Variants in POR observed in about 807,000 individuals in gnomAD.
POR encodes cytochrome p450 oxidoreductase.
A neutral mutation model predicts 84.0 loss-of-function variants in POR; 56 were observed. That is an observed-to-expected ratio of 0.67 (90% CI 0.54 to 0.83). The LOEUF (loss-of-function observed/expected upper bound fraction) is 0.83, where lower values mean the gene tolerates loss of function less well. POR is among the 40% of genes least tolerant of loss of function. The pLI, the probability that POR is intolerant of heterozygous loss-of-function variation, is 0.00. For missense variants in POR, 938 were observed against 944.3 expected, an observed-to-expected ratio of 0.99 and a Z score of 0.09; for synonymous variants, 414 against 400.5, an observed-to-expected ratio of 1.03 and a Z score of -0.40.
chr7:75,929,425 C>T lies in POR; in HGVS notation c.-5+14246C>T, dbSNP rs566658938. Among the ~76,000 whole-genome samples, 10 of 152,228 alleles carry T rather than the reference C, an allele frequency of 6.6e-5. No homozygotes were observed. In the South Asian group the frequency reaches 1.9e-3, roughly 28 times the overall value. ...ATTACAGAGCATGCACCACCATGCC[C>T]AGCTACTTTTTGTATTTTTAGTTTC... is the stretch of plus-strand genomic sequence containing the variant. On this transcript the variant is annotated intron_variant, in intron 1 of 15. Transcript: ENST00000461988.
chr7:75,985,866 G>T lies in POR; in HGVS notation c.1669+17G>T. On this transcript the variant is annotated intron_variant, in intron 13 of 15. Transcript: ENST00000461988. ...GACAGCAGGGTGAGTGGGGTCCCATGGGGGAGAGGGGGTGACGACTGGGAG... is the reference window on the plus strand; with the variant it reads ...GACAGCAGGGTGAGTGGGGTCCCATTGGGGAGAGGGGGTGACGACTGGGAG... 6.5e-7 allele frequency: 1 copy of T among 1,549,560 alleles called. No individual in the cohort carries two copies. The highest frequency in any genetic ancestry group is 8.7e-7 in the Non-Finnish European group (1 of 1,144,014).
chr7:75,927,473 C>T, intron 1 of POR, among the ~76,000 whole-genome samples: 1 of 151,152 alleles, frequency 6.6e-6, no homozygotes, highest in Non-Finnish European at 1.5e-5. Context: ...AAAACAACAA[C>T]AAAAAAAACC....
intron 3 of POR, among the ~76,000 whole-genome samples, chr7:75,975,581 A>G (rs1204938091): frequency 6.6e-6 from 1 of 152,162 alleles, no homozygotes; most frequent in African/African-American, 2.4e-5. Context: ...CACAGATTGC[A>G]GTGACCACTG....
intron 1 of POR, among the ~76,000 whole-genome samples, chr7:75,935,239 T>A: frequency 6.6e-6 from 1 of 151,896 alleles, no homozygotes; most frequent in East Asian, 2.0e-4. Context: ...TTAATGACTG[T>A]CTGCCAGGTG....
intron 8 of POR, among the ~76,000 whole-genome samples, chr7:75,983,060 G>A (rs1789154640): frequency 1.3e-5 from 2 of 152,214 alleles, no homozygotes; most frequent in African/African-American, 4.8e-5. Flanking sequence ...CTGCATTAGG[G>A]CTGGGCGAGG....
Position 75,980,316 on chromosome 7 carries a change from C to T in POR, c.367-23C>T, listed in dbSNP as rs371800324. ...AACAGGCTCAGTCATGGCCGGGGCGCGGTCCTGTCCCTGTTTCTGCAGGCC... is the reference window on the plus strand; with the variant it reads ...AACAGGCTCAGTCATGGCCGGGGCGTGGTCCTGTCCCTGTTTCTGCAGGCC... On this transcript the variant is annotated intron_variant, in intron 4 of 15. Transcript: ENST00000461988. The T allele has an allele frequency of 9.8e-5, 158 of 1,606,674 alleles. No homozygotes were observed. The African/African-American group carries it at 1.4e-3, about 14-fold the overall frequency.
At position 75,985,713 on chromosome 7, in the gene POR, G is replaced by A. The variant is rs1554559127; in HGVS notation, c.1533G>A (p.Leu511=). The change falls in exon 13 of 16, where the codon CTG becomes CTA. Residue 511 remains leucine (L), a synonymous_variant. Coordinates refer to ENST00000461988, the MANE Select transcript of POR (RefSeq NM_000941.3). ...CCGGGGAGAACGGCGGCCGTGCGCT[G>A]GTGCCCATGTTCGTGCGCAAGTCCC... The A allele has an allele frequency of 6.3e-7, 1 of 1,587,978 alleles. No homozygotes were observed.
intron 1 of POR, among the ~76,000 whole-genome samples, chr7:75,931,181 G>T (rs1807400029): frequency 6.6e-6 from 1 of 152,010 alleles, no homozygotes; most frequent in East Asian, 1.9e-4. Context: ...ATCACCCATT[G>T]AATGGATAAA....
intron 13 of POR, 30 bp downstream of exon 13, chr7:75,985,879 T>C (rs782777427): frequency 5.2e-6 from 8 of 1,549,570 alleles, no homozygotes; most frequent in Non-Finnish European, 7.0e-6. Context: ...GGAGAGGGGG[T>C]GACGACTGGG....
At chr7:75,957,379 G>A (rs917720) in intron 2 of POR, among the ~76,000 whole-genome samples, 1 of 152,188 alleles carries the variant, frequency 6.6e-6, no homozygotes, top group Admixed American at 6.5e-5. Context: ...ACGGGGCATT[G>A]CTGGTGTGGA....
chr7:75,966,165 G>C (rs1788172493), intron 2 of POR, among the ~76,000 whole-genome samples: 1 of 152,282 alleles, frequency 6.6e-6, no homozygotes, highest in South Asian at 2.1e-4. Context: ...CATGCAGTAG[G>C]CACTCAGTAA....
chr7:75,934,122 AGTGTGTGTGTGTGTGTGTGTGTGTGTGT>A (rs58236447), intron 1 of POR, among the ~76,000 whole-genome samples: 3 of 126,766 alleles, frequency 2.4e-5, no homozygotes, highest in African/African-American at 5.8e-5. Context: ...AAGACCTCAG[AGTGTGTGTGTGTGTGTGTGTGTGTGTGT>A]GTGTGTGTGT....
chr7:75,919,031 C>G (rs1245266807), intron 1 of POR, among the ~76,000 whole-genome samples: 1 of 150,536 alleles, frequency 6.6e-6, no homozygotes, highest in Non-Finnish European at 1.5e-5. Context: ...CAGAGTCTCA[C>G]TCTGTCACCC....
At chr7:75,938,119 G>C (rs1197392689) in intron 1 of POR, among the ~76,000 whole-genome samples, 1 of 152,180 alleles carries the variant, frequency 6.6e-6, no homozygotes, top group African/African-American at 2.4e-5. Context: ...CGCTTGCACA[G>C]ATCTGACTCA....
Position 75,954,139 on chromosome 7 carries a change from GAAA to G in POR, c.151_153del (p.Lys51del). ...TAACCTACTGGTTCCTCTTCAGAAA[GAAA>G]AAAGAAGAAGTCCCCGAGTTCACCA... On this transcript the variant is annotated inframe_deletion, in exon 2 of 16. Coordinates refer to ENST00000461988, the MANE Select transcript of POR (RefSeq NM_000941.3). 1 of 1,612,602 alleles carries G rather than the reference GAAA, an allele frequency of 6.2e-7. No individual in the cohort carries two copies. Among genetic ancestry groups the G allele is most frequent in the Admixed American group, 1.7e-5 (1 of 59,800 alleles).
intron 1 of POR, among the ~76,000 whole-genome samples, chr7:75,921,887 A>G (rs1554548888): frequency 6.6e-6 from 1 of 151,892 alleles, no homozygotes; most frequent in Non-Finnish European, 1.5e-5. Flanking sequence ...TTGTATTTCT[A>G]GTAGAGACAG....
At chr7:75,923,352 G>A (rs1311840508) in intron 1 of POR, 1 of 838,168 alleles carries the variant, frequency 1.2e-6, no homozygotes, top group Non-Finnish European at 2.0e-6. Context: ...GGACTGTCAT[G>A]CTACCAAAAA....
In POR at chr7:75,980,341, C is replaced by T. The variant is rs41299490; in HGVS notation, c.369C>T (p.Ala123=). 1.5e-3 allele frequency: 2,370 copies of T among 1,612,080 alleles called. 31 individuals are homozygous for T. In the African/African-American group the frequency reaches 0.023, roughly 16 times the overall value. Reference sequence around the variant, plus strand: ...CGGTCCTGTCCCTGTTTCTGCAGGCCGACCTGAGCAGCCTGCCAGAGATCG... The same window carrying T: ...CGGTCCTGTCCCTGTTTCTGCAGGCTGACCTGAGCAGCCTGCCAGAGATCG... The change falls in exon 5 of 16, where the codon GCC becomes GCT. Residue 123 remains alanine, a splice_region_variant and synonymous_variant. Transcript: ENST00000461988.
At chr7:75,939,275 C>G (rs1554551209) in intron 1 of POR, among the ~76,000 whole-genome samples, 1 of 152,238 alleles carries the variant, frequency 6.6e-6, no homozygotes, top group African/African-American at 2.4e-5. Context: ...ACTGTAAGCT[C>G]TGTGGGATTA....
Sources: gnomAD v4.1 joint callset for allele counts (sites outside exome capture counted in the v4.1 genomes callset) on GRCh38, gnomAD v4.1.1 for gene constraint, MANE v1.5 for transcripts, NCBI Gene and HGNC (gene_info 2026-07-23, HGNC 2026-07-21) for gene names.